Variants in ROR1 observed in about 807,000 individuals in gnomAD.
ROR1 encodes the protein ROR family WNT receptor 1.
ROR1 carries 19 observed loss-of-function variants against 78.8 expected under a neutral mutation model. The ratio of observed to expected loss-of-function variants is 0.24; its 90% CI spans 0.17 to 0.35. The LOEUF is 0.35. ROR1 is among the 10% of genes least tolerant of loss of function. ROR1 has a pLI of 1.00. For synonymous variants in ROR1, 386 were observed against 433.6 expected (o/e 0.89, Z 1.36); for missense variants, 917 against 1,177.8 (o/e 0.78, Z 3.24).
At chr1:64,059,428 C>T (rs1319881561) in intron 4 of ROR1, among the ~76,000 whole-genome samples, 4 of 152,070 alleles carry the variant, frequency 2.6e-5, no homozygotes, top group South Asian at 4.1e-4. Flanking sequence ...AGAGAAGTCT[C>T]AGCCAGGTGC....
At chr1:64,043,926 T>C (rs909871681) in intron 2 of ROR1, among the ~76,000 whole-genome samples, 2 of 152,246 alleles carry the variant, frequency 1.3e-5, no homozygotes, top group Non-Finnish European at 2.9e-5. Flanking sequence ...TGGCATTTTG[T>C]AAATGCTCAG....
At position 64,101,494 on chromosome 1, in the gene ROR1, C is replaced by T. The variant is rs369913512; in HGVS notation, c.483-35875C>T. Among the ~76,000 whole-genome samples, 58 of 152,134 alleles carry T rather than the reference C, an allele frequency of 3.8e-4. 1 individual carries two copies. Among genetic ancestry groups the T allele is most frequent in the Admixed American group, 2.0e-4 (3 of 15,286 alleles). On this transcript the variant is annotated intron_variant, in intron 4 of 8. Coordinates refer to ENST00000371079, the MANE Select transcript of ROR1 (RefSeq NM_005012.4). The stretch of plus-strand genomic sequence containing the variant: ...GAGACATAATGGTACAAGCTCCTGA[C>T]GAAGAAGGGCCCTGAGATTTTCCTT...
chr1:63,970,194 C>T (rs1358927864), intron 1 of ROR1, among the ~76,000 whole-genome samples: 3 of 152,082 alleles, frequency 2.0e-5, no homozygotes, highest in African/African-American at 7.2e-5. Flanking sequence ...CTAGGTTGGA[C>T]ACCTCTACTT....
At chr1:64,126,935 TCTC>T (rs1648731606) in intron 4 of ROR1, among the ~76,000 whole-genome samples, 1 of 152,132 alleles carries the variant, frequency 6.6e-6, no homozygotes, top group Non-Finnish European at 1.5e-5. Flanking sequence ...ACCCTCTTCT[TCTC>T]CTCTAAAAAT....
At chr1:63,776,058 G>A (rs1330549948) in intron 1 of ROR1, among the ~76,000 whole-genome samples, 1 of 152,222 alleles carries the variant, frequency 6.6e-6, no homozygotes, top group Admixed American at 6.5e-5. Flanking sequence ...TCTCAAGTTG[G>A]GTTGCCCAGC....
chr1:63,978,428 CT>C (rs1646179782), intron 1 of ROR1, among the ~76,000 whole-genome samples: 2 of 152,124 alleles, frequency 1.3e-5, no homozygotes, highest in Admixed American at 6.6e-5. Context: ...TGAACACTTC[CT>C]GTGTGACAGA....
intron 4 of ROR1, among the ~76,000 whole-genome samples, chr1:64,059,280 A>G (rs1646898521): frequency 6.6e-6 from 1 of 152,164 alleles, no homozygotes; most frequent in Non-Finnish European, 1.5e-5. Flanking sequence ...GGATATTGAA[A>G]TAGAGTATTG....
intron 7 of ROR1, among the ~76,000 whole-genome samples, chr1:64,152,122 A>T (rs1045489441): frequency 6.6e-6 from 1 of 152,296 alleles, no homozygotes; most frequent in South Asian, 2.1e-4. Flanking sequence ...GATTTTTTTT[A>T]AATGTTGGCC....
chr1:63,785,596 C>T (rs2100227516), intron 1 of ROR1, among the ~76,000 whole-genome samples: 1 of 151,924 alleles, frequency 6.6e-6, no homozygotes, highest in African/African-American at 2.4e-5. Flanking sequence ...GATCTCAGCT[C>T]ACTGCAACTT....
At chr1:64,052,865 A>C (rs1213165358) in intron 4 of ROR1, among the ~76,000 whole-genome samples, 1 of 151,124 alleles carries the variant, frequency 6.6e-6, no homozygotes, top group Admixed American at 6.6e-5. Context: ...TTTCTTTCCC[A>C]GTGATGCATC....
At chr1:64,172,710 A>G (rs1308195018) in intron 8 of ROR1, among the ~76,000 whole-genome samples, 2 of 152,206 alleles carry the variant, frequency 1.3e-5, no homozygotes, top group Non-Finnish European at 2.9e-5. Context: ...ACAAAAACTA[A>G]ACAGATTTAT....
chr1:63,917,457 T>C (rs1161953187), intron 1 of ROR1, among the ~76,000 whole-genome samples: 1 of 152,166 alleles, frequency 6.6e-6, no homozygotes, highest in Non-Finnish European at 1.5e-5. Context: ...AATAATATGA[T>C]TTTCCCTTAA....
intron 1 of ROR1, among the ~76,000 whole-genome samples, chr1:63,858,121 A>G (rs1313830965): frequency 6.6e-6 from 1 of 152,196 alleles, no homozygotes; most frequent in Non-Finnish European, 1.5e-5. Flanking sequence ...TTAAAGACAT[A>G]TGGAGTTATT....
intron 1 of ROR1, among the ~76,000 whole-genome samples, chr1:63,922,381 A>G (rs1645662982): frequency 6.6e-6 from 1 of 152,174 alleles, no homozygotes; most frequent in African/African-American, 2.4e-5. Context: ...TCAATTTAGT[A>G]GGTCAAAACA....
At chr1:63,860,216 A>G (rs187071405) in intron 1 of ROR1, among the ~76,000 whole-genome samples, 153 of 152,280 alleles carry the variant, frequency 1.0e-3, no homozygotes, top group African/African-American at 3.7e-3. Context: ...ACACTGAGTA[A>G]TATATATTGT....
intron 1 of ROR1, among the ~76,000 whole-genome samples, chr1:63,818,997 G>A (rs764875052): frequency 2.0e-5 from 3 of 152,032 alleles, no homozygotes; most frequent in Non-Finnish European, 4.4e-5. Flanking sequence ...TACTAATAAG[G>A]AAAAATTGCT....
intron 1 of ROR1, among the ~76,000 whole-genome samples, chr1:63,783,094 A>T (rs1356504392): frequency 6.6e-6 from 1 of 152,154 alleles, no homozygotes; most frequent in Non-Finnish European, 1.5e-5. Flanking sequence ...GACTATCCTG[A>T]GTTCTTAAAC....
intron 2 of ROR1, among the ~76,000 whole-genome samples, chr1:64,014,158 C>T (rs1000307748): frequency 1.3e-4 from 20 of 152,264 alleles, no homozygotes; most frequent in Non-Finnish European, 1.6e-4. Flanking sequence ...AGTTCCCTCA[C>T]GTGGAGAAGC....
At chr1:63,958,913 A>T (rs1646005261) in intron 1 of ROR1, among the ~76,000 whole-genome samples, 1 of 152,214 alleles carries the variant, frequency 6.6e-6, no homozygotes, top group Non-Finnish European at 1.5e-5. Context: ...TCACATGCCC[A>T]CATCTACCTG....
Sources: gnomAD v4.1 joint callset for allele counts (sites outside exome capture counted in the v4.1 genomes callset) on GRCh38, gnomAD v4.1.1 for gene constraint, MANE v1.5 for transcripts, NCBI Gene and HGNC (gene_info 2026-07-23, HGNC 2026-07-21) for gene names.